Variants in KCNIP4 observed in about 807,000 individuals in gnomAD.
The protein encoded by KCNIP4 is Kv channel-interacting protein 4.
Under a neutral mutation model 34.0 loss-of-function variants are expected in KCNIP4, and 12 were observed. The ratio of observed to expected loss-of-function variants is 0.35; its 90% CI spans 0.23 to 0.57. The LOEUF (loss-of-function observed/expected upper bound fraction) is 0.57. Ranked by LOEUF, KCNIP4 falls within the 20% of genes least tolerant of loss-of-function variation. KCNIP4 has a pLI of 0.83. For synonymous variants in KCNIP4, 124 were observed against 102.2 expected (o/e 1.21, Z -1.29); for missense variants, 238 against 311.7 (o/e 0.76, Z 1.78).
intron 1 of KCNIP4, among the ~76,000 whole-genome samples, chr4:20,988,507 G>A (rs777441354): frequency 2.0e-5 from 3 of 151,962 alleles, no homozygotes; most frequent in Non-Finnish European, 2.9e-5. Flanking sequence ...ATTTCACCAC[G>A]TGATAGTCTC....
chr4:21,778,665 AT>A (rs1719359267), intron 1 of KCNIP4, among the ~76,000 whole-genome samples: 1 of 152,206 alleles, frequency 6.6e-6, no homozygotes, highest in African/African-American at 2.4e-5. Flanking sequence ...GTAGAAGCAC[AT>A]TTTATATAAA....
intron 1 of KCNIP4, among the ~76,000 whole-genome samples, chr4:21,309,330 T>TGAAAGA (rs1712865554): frequency 2.6e-5 from 4 of 152,190 alleles, no homozygotes; most frequent in Admixed American, 1.3e-4. Flanking sequence ...TTTCATTCAA[T>TGAAAGA]TGCTAAAGTT....
At chr4:21,015,851 A>C (rs542047943) in intron 1 of KCNIP4, among the ~76,000 whole-genome samples, 16 of 140,454 alleles carry the variant, frequency 1.1e-4, no homozygotes, top group African/African-American at 3.4e-4. Flanking sequence ...ACAATATATA[A>C]AATATATACA....
At chr4:21,646,632 A>G (rs1040684966) in intron 1 of KCNIP4, among the ~76,000 whole-genome samples, 12 of 152,282 alleles carry the variant, frequency 7.9e-5, no homozygotes, top group Non-Finnish European at 1.6e-4. Flanking sequence ...GCCATGCCCC[A>G]TGGTTGGCAA....
At chr4:21,112,357 T>C (rs1259499018) in intron 1 of KCNIP4, among the ~76,000 whole-genome samples, 1 of 152,192 alleles carries the variant, frequency 6.6e-6, no homozygotes, top group Non-Finnish European at 1.5e-5. Context: ...CGAGTCCTAC[T>C]GTAGAAGCAA....
chr4:21,809,506 A>T (rs191294686), intron 1 of KCNIP4, among the ~76,000 whole-genome samples: 2 of 152,296 alleles, frequency 1.3e-5, no homozygotes, highest in East Asian at 3.9e-4. Context: ...TACACACACT[A>T]TTAGTTTTAT....
intron 1 of KCNIP4, among the ~76,000 whole-genome samples, chr4:21,734,902 GA>G (rs770584095): frequency 6.6e-5 from 10 of 151,996 alleles, no homozygotes; most frequent in Non-Finnish European, 1.0e-4. Flanking sequence ...CAATTGCCTG[GA>G]GTGGCTCTTT....
intron 1 of KCNIP4, among the ~76,000 whole-genome samples, chr4:21,914,905 C>T (rs1471020712): frequency 6.6e-6 from 1 of 151,952 alleles, no homozygotes; most frequent in African/African-American, 2.4e-5. Context: ...TAACAAATTA[C>T]ATACAGGGCT....
At chr4:21,071,265 T>G (rs1424138251) in intron 1 of KCNIP4, among the ~76,000 whole-genome samples, 1 of 152,194 alleles carries the variant, frequency 6.6e-6, no homozygotes, top group African/African-American at 2.4e-5. Flanking sequence ...AAGTTAATTT[T>G]TGTATAAAGG....
intron 3 of KCNIP4, chr4:20,767,034 C>A (rs1248994782): frequency 1.3e-5 from 2 of 152,166 alleles, no homozygotes; most frequent in Admixed American, 1.3e-4. Flanking sequence ...CCTTACACAT[C>A]ATATTTGGTC....
rs929581884 is a variant in KCNIP4, at chr4:21,483,311, A to T, written c.61+465260T>A. ...AATTCTTCATCAAATTAATAATAAG[A>T]ACTGACGTTTGTTAATATGGTTTGG... On this transcript the variant is annotated intron_variant, in intron 1 of 8. Transcript: ENST00000382152. Among the ~76,000 whole-genome samples, 15 of 152,080 alleles carry T rather than the reference A, an allele frequency of 9.9e-5. No homozygotes were observed. The South Asian group carries it at 3.1e-3, about 32-fold the overall frequency.
intron 1 of KCNIP4, among the ~76,000 whole-genome samples, chr4:21,472,545 G>A (rs1730564063): frequency 6.6e-6 from 1 of 152,028 alleles, no homozygotes; most frequent in African/African-American, 2.4e-5. Flanking sequence ...GGTTTTTGAG[G>A]GTAGTTTCCA....
intron 1 of KCNIP4, among the ~76,000 whole-genome samples, chr4:21,056,992 C>T (rs1743464833): frequency 6.6e-6 from 1 of 152,124 alleles, no homozygotes; most frequent in Non-Finnish European, 1.5e-5. Flanking sequence ...GTTACTTATT[C>T]TCATTTGCAA....
chr4:21,738,930 A>G (rs1003766972), intron 1 of KCNIP4, among the ~76,000 whole-genome samples: 1 of 152,182 alleles, frequency 6.6e-6, no homozygotes, highest in Non-Finnish European at 1.5e-5. Flanking sequence ...TTATTGAATG[A>G]CATTATTATA....
intron 3 of KCNIP4, among the ~76,000 whole-genome samples, chr4:20,777,484 A>G (rs760385141): frequency 7.2e-5 from 11 of 152,190 alleles, no homozygotes; most frequent in Non-Finnish European, 1.5e-4. Context: ...TTCTTATAAA[A>G]GAGGCCCAAA....
intron 1 of KCNIP4, among the ~76,000 whole-genome samples, chr4:21,750,974 C>T (rs915615922): frequency 2.2e-4 from 34 of 152,210 alleles, no homozygotes; most frequent in African/African-American, 7.9e-4. Flanking sequence ...TTAAGACTGT[C>T]CATTTGTAGG....
intron 1 of KCNIP4, among the ~76,000 whole-genome samples, chr4:21,582,973 A>G (rs908780287): frequency 2.6e-5 from 4 of 151,938 alleles, no homozygotes; most frequent in Non-Finnish European, 4.4e-5. Context: ...CCTTTCTCAC[A>G]CTAGCAATGC....
At position 21,478,828 on chromosome 4, in the gene KCNIP4, A is replaced by C. The variant is rs567630371; in HGVS notation, c.61+469743T>G. Among the ~76,000 whole-genome samples the C allele has an allele frequency of 7.2e-5, 11 of 152,286 alleles. No individual in the cohort carries two copies. The East Asian group carries it at 2.1e-3, about 29-fold the overall frequency. On this transcript the variant is annotated intron_variant, in intron 1 of 8. Coordinates refer to ENST00000382152, the MANE Select transcript of KCNIP4 (RefSeq NM_025221.6). ...CAGTTCTGATGGAGAGCATTTTACT[A>C]GTATGTTCTTTACAATTTGATCATC... is the stretch of plus-strand genomic sequence containing the variant.
intron 3 of KCNIP4, among the ~76,000 whole-genome samples, chr4:20,772,075 T>C (rs1283846467): frequency 6.6e-6 from 1 of 152,222 alleles, no homozygotes; most frequent in Non-Finnish European, 1.5e-5. Context: ...AAAAGGTAGA[T>C]GTTTTACCAC....
Sources: allele counts gnomAD v4.1 joint callset (sites outside exome capture counted in the v4.1 genomes callset), GRCh38; gene constraint gnomAD v4.1.1; transcripts MANE v1.5; gene names NCBI Gene and HGNC (gene_info 2026-07-23, HGNC 2026-07-21).